JAZF1: variants seen among roughly 807,000 people sequenced by gnomAD.
JAZF1 encodes the protein juxtaposed with another zinc finger protein 1.
A neutral mutation model predicts 26.4 loss-of-function variants in JAZF1; 8 were observed. The observed-to-expected ratio is 0.30, with a 90% CI of 0.18 to 0.55. The LOEUF (loss-of-function observed/expected upper bound fraction) is 0.55, where lower values mean the gene tolerates loss of function less well. Among genes scored for constraint, JAZF1 ranks in the 20% least tolerant of loss-of-function variants. The pLI is 0.94. For missense variants in JAZF1, 199 were observed against 322.0 expected (o/e 0.62, Z 2.92); for synonymous variants, 126 against 122.3 (o/e 1.03, Z -0.20).
In JAZF1 at chr7:27,869,366, T is replaced by C. The variant is rs1287605494; in HGVS notation, c.385+25854A>G. On this transcript the variant is annotated intron_variant, in intron 3 of 4. Transcript: ENST00000283928. Reference sequence around the variant, plus strand: ...ACCATCAGGTGCTTCCATTAGGTTCTGCCTGAACTACGGGTGGCCAGTTTG... The same window carrying C: ...ACCATCAGGTGCTTCCATTAGGTTCCGCCTGAACTACGGGTGGCCAGTTTG... Among the ~76,000 whole-genome samples the C allele has an allele frequency of 2.6e-5, 4 of 152,238 alleles. No homozygotes were observed. The East Asian group carries it at 7.7e-4, about 29-fold the overall frequency.
At chr7:28,049,415 A>C (rs557845988) in intron 1 of JAZF1, among the ~76,000 whole-genome samples, 2 of 151,970 alleles carry the variant, frequency 1.3e-5, no homozygotes, top group Non-Finnish European at 2.9e-5. Flanking sequence ...TACTACTTCC[A>C]GTACTTCACT....
At chr7:28,156,193 T>C (rs527693760) in intron 1 of JAZF1, among the ~76,000 whole-genome samples, 1 of 152,320 alleles carries the variant, frequency 6.6e-6, no homozygotes, top group South Asian at 2.1e-4. Flanking sequence ...CTTGGCTCTG[T>C]TTACTTTGGA....
intron 1 of JAZF1, among the ~76,000 whole-genome samples, chr7:28,068,204 C>T (rs528491155): frequency 3.3e-5 from 5 of 150,492 alleles, no homozygotes; most frequent in Non-Finnish European, 5.9e-5. Context: ...TGTAAGCCAC[C>T]GTGCTCAGCC....
At chr7:28,099,379 T>TA (rs1346310007) in intron 1 of JAZF1, among the ~76,000 whole-genome samples, 1 of 152,138 alleles carries the variant, frequency 6.6e-6, no homozygotes, top group East Asian at 1.9e-4. Context: ...TTTTTTTTTT[T>TA]ACAGCTAATA....
chr7:28,081,313 G>C (rs749065537), intron 1 of JAZF1, among the ~76,000 whole-genome samples: 1 of 152,174 alleles, frequency 6.6e-6, no homozygotes, highest in Non-Finnish European at 1.5e-5. Context: ...AAGACAGGAT[G>C]ACCAGCTCGG....
At chr7:28,022,180 A>G (rs2128373053) in intron 1 of JAZF1, among the ~76,000 whole-genome samples, 1 of 152,378 alleles carries the variant, frequency 6.6e-6, no homozygotes, top group South Asian at 2.1e-4. Flanking sequence ...ATTGAACAAT[A>G]TCGTCACAAC....
At chr7:27,974,677 G>C (rs777781384) in intron 2 of JAZF1, among the ~76,000 whole-genome samples, 64 of 152,222 alleles carry the variant, frequency 4.2e-4, no homozygotes, top group South Asian at 1.9e-3. Context: ...TGGAGATGAT[G>C]AGTGGGCAAG....
intron 2 of JAZF1, among the ~76,000 whole-genome samples, chr7:27,954,835 G>A (rs1320706995): frequency 3.3e-5 from 5 of 152,120 alleles, no homozygotes; most frequent in Non-Finnish European, 4.4e-5. Context: ...TTGGCTCACC[G>A]CAACCTCTGC....
chr7:27,849,075 T>C (rs757227525), intron 3 of JAZF1, among the ~76,000 whole-genome samples: 9 of 152,174 alleles, frequency 5.9e-5, no homozygotes, highest in Non-Finnish European at 1.2e-4. Flanking sequence ...AACAGGCCCA[T>C]CAGGTCTTTG....
At chr7:27,939,386 C>T (rs1245295170) in intron 2 of JAZF1, among the ~76,000 whole-genome samples, 4 of 152,172 alleles carry the variant, frequency 2.6e-5, no homozygotes, top group Non-Finnish European at 5.9e-5. Flanking sequence ...GGGGAGGCAA[C>T]AGGACAGGAG....
At chr7:27,849,764 C>CACACAGACACAG in intron 3 of JAZF1, among the ~76,000 whole-genome samples, 1 of 144,360 alleles carries the variant, frequency 6.9e-6, no homozygotes, top group African/African-American at 2.9e-5. Flanking sequence ...CACACACACA[C>CACACAGACACAG]ACACACACAC....
rs377263098 is a variant in JAZF1 at position 28,099,539 on chromosome 7, C to T, written c.115+80924G>A. On this transcript the variant is annotated intron_variant, in intron 1 of 4. Transcript: ENST00000283928. ...TTGCCCAGGCTGGAATGCAATGGAG[C>T]GATCTCGACTCACCGCAACCTCCAC... Among the ~76,000 whole-genome samples the T allele has an allele frequency of 8.5e-5, 13 of 152,176 alleles. No individual in the cohort carries two copies. In the East Asian group the frequency reaches 1.6e-3, roughly 18 times the overall value.
At chr7:28,145,992 T>A (rs1783022217) in intron 1 of JAZF1, among the ~76,000 whole-genome samples, 1 of 152,220 alleles carries the variant, frequency 6.6e-6, no homozygotes, top group Admixed American at 6.5e-5. Context: ...ATTCCATTTC[T>A]CCATGTCAAT....
intron 3 of JAZF1, chr7:27,842,007 G>C (rs549314234): frequency 1.1e-3 from 174 of 152,196 alleles, no homozygotes; most frequent in African/African-American, 3.9e-3. Context: ...GTGCTTCAGG[G>C]GCTTACTCTG....
At chr7:28,165,378 C>A (rs769907874) in intron 1 of JAZF1, among the ~76,000 whole-genome samples, 9 of 152,222 alleles carry the variant, frequency 5.9e-5, no homozygotes, top group African/African-American at 2.2e-4. Flanking sequence ...CCAGTTAGGG[C>A]TTCTCAGGTC....
At chr7:27,907,316 G>A (rs1421700867) in intron 2 of JAZF1, among the ~76,000 whole-genome samples, 2 of 152,160 alleles carry the variant, frequency 1.3e-5, no homozygotes, top group Non-Finnish European at 2.9e-5. Flanking sequence ...CTCAATATAT[G>A]TTAGGAGACC....
chr7:28,127,013 A>T (rs1487758821), intron 1 of JAZF1, among the ~76,000 whole-genome samples: 1 of 152,194 alleles, frequency 6.6e-6, no homozygotes, highest in African/African-American at 2.4e-5. Context: ...CTCTCAATGA[A>T]CAGTTTGTTC....
chr7:27,937,579 GACTCAAAAAC>G (rs780200527), intron 2 of JAZF1, among the ~76,000 whole-genome samples: 3 of 152,078 alleles, frequency 2.0e-5, no homozygotes, highest in Non-Finnish European at 2.9e-5. Flanking sequence ...AATAATTATT[GACTCAAAAAC>G]ACTCAAAAAC....
intron 1 of JAZF1, among the ~76,000 whole-genome samples, chr7:28,125,663 T>C (rs1782681622): frequency 2.0e-5 from 3 of 152,070 alleles, no homozygotes; most frequent in African/African-American, 7.3e-5. Flanking sequence ...TTCAAAGCAC[T>C]AGAGTTGAGG....
Sources: gnomAD v4.1 joint callset for allele counts (sites outside exome capture counted in the v4.1 genomes callset) on GRCh38, gnomAD v4.1.1 for gene constraint, MANE v1.5 for transcripts, NCBI Gene and HGNC (gene_info 2026-07-23, HGNC 2026-07-21) for gene names.